Variants in RYR2 observed in about 807,000 individuals in gnomAD.
The protein encoded by RYR2 is ryanodine receptor 2, also known as cardiac muscle ryanodine receptor-calcium release channel.
RYR2 carries 227 observed loss-of-function variants against 601.1 expected under a neutral mutation model. The ratio of observed to expected loss-of-function variants is 0.38; its 90% CI spans 0.34 to 0.42. The LOEUF is 0.42. Among genes scored for constraint, RYR2 ranks in the 10% least tolerant of loss-of-function variants. The pLI, the probability that RYR2 is intolerant of heterozygous loss-of-function variation, is 1.00. For missense variants in RYR2, 4,646 were observed against 6,156.5 expected (o/e 0.75, Z 8.21); for synonymous variants, 2,223 against 2,175.1 (o/e 1.02, Z -0.61).
intron 62 of RYR2, among the ~76,000 whole-genome samples, chr1:237,683,378 T>C (rs917574585): frequency 1.3e-5 from 2 of 152,182 alleles, no homozygotes; most frequent in Non-Finnish European, 2.9e-5. Flanking sequence ...GAGTATACTT[T>C]GCAGTAGCTA....
chr1:237,372,177 T>A (rs2149770127), intron 6 of RYR2, among the ~76,000 whole-genome samples: 1 of 152,358 alleles, frequency 6.6e-6, no homozygotes, highest in East Asian at 1.9e-4. Flanking sequence ...AAGTATAGGA[T>A]GAGAAGTATA....
At chr1:237,061,911 T>C (rs946419620) in intron 1 of RYR2, among the ~76,000 whole-genome samples, 2 of 152,180 alleles carry the variant, frequency 1.3e-5, no homozygotes, top group Non-Finnish European at 2.9e-5. Flanking sequence ...TTAGAATTGA[T>C]ATTTTGTTTA....
chr1:237,724,473 T>C (rs1690037600), intron 74 of RYR2, among the ~76,000 whole-genome samples: 1 of 151,804 alleles, frequency 6.6e-6, no homozygotes, highest in South Asian at 2.1e-4. Flanking sequence ...TTCTCTATTG[T>C]CATGCAATTT....
At position 237,270,968 on chromosome 1, in the gene RYR2, A is replaced by AT. The variant is rs949552130; in HGVS notation, c.168+359dup. 7.2e-5 allele frequency among the ~76,000 whole-genome samples: 11 copies of AT among 152,288 alleles called. No homozygotes were observed. The East Asian group carries it at 1.7e-3, about 24-fold the overall frequency. On this transcript the variant is annotated intron_variant, in intron 2 of 104. Transcript: ENST00000366574. ...GAACCAATAGTCTTAGGCTCATTGT[A>AT]TTTTTTTATAAGATAGACTTTCAAT...
chr1:237,832,878 G>A lies in RYR2; in HGVS notation c.*231G>A, dbSNP rs1421049813. 5.2e-6 allele frequency: 2 copies of A among 382,210 alleles called. No individual in the cohort carries two copies. Among genetic ancestry groups the A allele is most frequent in the African/African-American group, 2.1e-5 (1 of 48,580 alleles). The allele number at this position is 382,210 out of a possible 1,614,324, so 23.7% of individuals were successfully genotyped here. A position where few individuals can be genotyped will look rare whatever the true frequency, so the allele number is the denominator to read the frequency against. On this transcript the variant is annotated 3_prime_UTR_variant, in exon 105 of 105. Coordinates refer to ENST00000366574, the MANE Select transcript of RYR2 (RefSeq NM_001035.3). ...CTAAATTCATACTCAGACAAAAAAAGGAATTCTGGAAAGAAAACCATTCTG... is the reference window on the plus strand; with the variant it reads ...CTAAATTCATACTCAGACAAAAAAAAGAATTCTGGAAAGAAAACCATTCTG...
At chr1:237,213,319 C>T (rs897572389) in intron 1 of RYR2, among the ~76,000 whole-genome samples, 82 of 151,902 alleles carry the variant, frequency 5.4e-4, no homozygotes, top group African/African-American at 1.9e-3. Context: ...CTGGGATTAC[C>T]AGCATGCACC....
chr1:237,434,132 G>A (rs181102235), intron 12 of RYR2, among the ~76,000 whole-genome samples: 9 of 152,170 alleles, frequency 5.9e-5, no homozygotes, highest in African/African-American at 1.4e-4. Context: ...TGTGTGAGAC[G>A]GTATTGAAAG....
At chr1:237,580,513 G>T (rs1051614080) in intron 29 of RYR2, among the ~76,000 whole-genome samples, 1 of 151,626 alleles carries the variant, frequency 6.6e-6, no homozygotes, top group Admixed American at 6.6e-5. Flanking sequence ...GTAATGAAAT[G>T]AATTTCCCAT....
At chr1:237,124,636 A>G (rs566668568) in intron 1 of RYR2, among the ~76,000 whole-genome samples, 79 of 152,272 alleles carry the variant, frequency 5.2e-4, no homozygotes, top group African/African-American at 1.8e-3. Flanking sequence ...AAGACCAGCA[A>G]TGGCTAGTAG....
At chr1:237,357,062 A>AT (rs1410015084) in intron 4 of RYR2, among the ~76,000 whole-genome samples, 2 of 150,402 alleles carry the variant, frequency 1.3e-5, no homozygotes, top group Non-Finnish European at 3.0e-5. Flanking sequence ...TTTTTTTTAA[A>AT]TTTTTTTTAG....
At chr1:237,269,275 T>A (rs905543041) in intron 1 of RYR2, among the ~76,000 whole-genome samples, 2 of 151,676 alleles carry the variant, frequency 1.3e-5, no homozygotes, top group Admixed American at 6.6e-5. Flanking sequence ...ACTCCCAACC[T>A]CAGGTGAGCC....
At chr1:237,253,021 C>T (rs760275000) in intron 1 of RYR2, among the ~76,000 whole-genome samples, 1 of 151,742 alleles carries the variant, frequency 6.6e-6, no homozygotes, top group African/African-American at 2.4e-5. Flanking sequence ...AAAAATGAGC[C>T]GGGCGTGGTG....
At chr1:237,179,559 A>G (rs1455115476) in intron 1 of RYR2, among the ~76,000 whole-genome samples, 1 of 152,192 alleles carries the variant, frequency 6.6e-6, no homozygotes, top group Non-Finnish European at 1.5e-5. Flanking sequence ...TGAACTCTTT[A>G]TCTGCGTTAT....
At chr1:237,280,780 G>GT (rs1690769094) in intron 2 of RYR2, among the ~76,000 whole-genome samples, 1 of 129,642 alleles carries the variant, frequency 7.7e-6, no homozygotes, top group Non-Finnish European at 1.8e-5. Flanking sequence ...TCTTCTTACT[G>GT]GTTTTTTTTT....
At chr1:237,174,063 CAA>C (rs10559743) in intron 1 of RYR2, among the ~76,000 whole-genome samples, 144,820 of 151,856 alleles carry the variant, frequency 0.95, 69,247 homozygotes, top group Non-Finnish European at 0.99. Flanking sequence ...TCTCAAAAAA[CAA>C]AAAAAAAAGA....
chr1:237,133,796 A>G (rs371539692), intron 1 of RYR2, among the ~76,000 whole-genome samples: 1 of 151,932 alleles, frequency 6.6e-6, no homozygotes, highest in Admixed American at 6.6e-5. Flanking sequence ...ATGGTGGCAC[A>G]TTCCTGTAAT....
At chr1:237,537,604 C>T (rs937390576) in intron 25 of RYR2, among the ~76,000 whole-genome samples, 21 of 152,066 alleles carry the variant, frequency 1.4e-4, no homozygotes, top group African/African-American at 3.4e-4. Flanking sequence ...TGTGAGCCAC[C>T]GTGCCCGGCC....
intron 1 of RYR2, among the ~76,000 whole-genome samples, chr1:237,149,316 A>AACAAAG (rs1553317180): frequency 6.6e-6 from 1 of 152,070 alleles, no homozygotes; most frequent in Non-Finnish European, 1.5e-5. Flanking sequence ...CAAAAACAAA[A>AACAAAG]ACAAAAACAA....
rs1660960345 is a variant in RYR2, at chr1:237,808,927, T to C, written c.14325T>C (p.Ala4775=). 2 of 1,613,692 alleles carry C rather than the reference T, an allele frequency of 1.2e-6. No homozygotes were observed. The highest frequency in any genetic ancestry group is 1.7e-6 in the Non-Finnish European group (2 of 1,179,592). Residue 4775 remains alanine, a synonymous_variant, in exon 100 of 105, where the codon GCT becomes GCC. Transcript: ENST00000366574. The stretch of plus-strand genomic sequence containing the variant: ...TCGTATTAACCGTTGGCTTATTAGC[T>C]GTTGTTGTATACCTATACACTGTGG... ...KQLVLTVGLL[A]VVVYLYTVVA...
Sources: gnomAD v4.1 joint callset for allele counts (sites outside exome capture counted in the v4.1 genomes callset) on GRCh38, gnomAD v4.1.1 for gene constraint, MANE v1.5 for transcripts, NCBI Gene and HGNC (gene_info 2026-07-23, HGNC 2026-07-21) for gene names.